DOCK8: variants seen among roughly 807,000 people sequenced by gnomAD.
DOCK8 encodes dedicator of cytokinesis 8.
DOCK8 carries 141 observed loss-of-function variants against 245.6 expected under a neutral mutation model. The observed-to-expected ratio is 0.57, with a 90% CI of 0.50 to 0.66. DOCK8 has a LOEUF of 0.66. DOCK8 is among the 30% of genes least tolerant of loss of function. DOCK8 has a pLI of 0.00. For synonymous variants in DOCK8, 1,168 were observed against 970.2 expected, an observed-to-expected ratio of 1.20 and a Z score of -3.79; for missense variants, 2,965 against 2,603.4, an observed-to-expected ratio of 1.14 and a Z score of -3.02.
At position 250,833 on chromosome 9, in the gene DOCK8, G is replaced by A. The variant is rs115277410; in HGVS notation, c.54-20794G>A. ...GGAAGTCCTGGCTGTCCAGCAAAAG[G>A]TCTTTAGTGGCTATATCAAGAGAAG... is the stretch of plus-strand genomic sequence containing the variant. On this transcript the variant is annotated intron_variant, in intron 1 of 47. Transcript: ENST00000432829. Among the ~76,000 whole-genome samples the A allele has an allele frequency of 9.1e-3, 1,380 of 152,280 alleles. 22 individuals are homozygous for A. Among genetic ancestry groups the A allele is most frequent in the African/African-American group, 0.032 (1,311 of 41,552 alleles).
At chr9:303,684 G>T (rs1254442304) in intron 4 of DOCK8, among the ~76,000 whole-genome samples, 2 of 152,196 alleles carry the variant, frequency 1.3e-5, no homozygotes, top group Non-Finnish European at 2.9e-5. Context: ...ACTGCCTATT[G>T]AGTACCATGG....
intron 4 of DOCK8, among the ~76,000 whole-genome samples, chr9:298,453 T>C (rs746546306): frequency 6.6e-6 from 1 of 152,018 alleles, no homozygotes; most frequent in South Asian, 2.1e-4. Flanking sequence ...GAAAAAAGAA[T>C]TGATTTTGAT....
At chr9:215,090 GAGCT>G (rs749063277) in intron 1 of DOCK8, 61 bp downstream of exon 1, 23 of 1,520,668 alleles carry the variant, frequency 1.5e-5, no homozygotes, top group Non-Finnish European at 2.0e-5. Context: ...GTGTGAAGCG[GAGCT>G]TCGCTGCAGG....
At chr9:304,842 A>ATT in intron 5 of DOCK8, 138 bp downstream of exon 5, 6 of 1,174,216 alleles carry the variant, frequency 5.1e-6, no homozygotes, top group Admixed American at 2.4e-5. Flanking sequence ...TGAGTCAGTG[A>ATT]TTTTTTTTTT....
intron 14 of DOCK8, among the ~76,000 whole-genome samples, chr9:349,817 A>G (rs1186068622): frequency 3.3e-5 from 5 of 152,228 alleles, no homozygotes; most frequent in Non-Finnish European, 5.9e-5. Flanking sequence ...AATTTTTCTC[A>G]GAAGACACAC....
upstream of DOCK8, chr9:213,151 ATGTAGTCTAT>A (rs1256522593): frequency 2.0e-5 from 3 of 152,248 alleles, no homozygotes; most frequent in East Asian, 5.8e-4. Context: ...TTGTTTTCGT[ATGTAGTCTAT>A]TGTAGTCTAT....
chr9:311,846 G>A (rs956620102), intron 5 of DOCK8, 108 bp from the exon 6 acceptor site: 3 of 1,370,192 alleles, frequency 2.2e-6, no homozygotes, highest in Non-Finnish European at 3.1e-6. Context: ...AGGCCTGGCT[G>A]AGATTCTGTA....
chr9:255,668 CAAAAAAAAAAAAA>C (rs71317282), intron 1 of DOCK8, among the ~76,000 whole-genome samples: 1 of 23,504 alleles, frequency 4.3e-5, no homozygotes, highest in Non-Finnish European at 7.6e-5. Flanking sequence ...ACTCCATCTC[CAAAAAAAAAAAAA>C]AAAAAAAAAA....
At chr9:364,336 G>A (rs73641531) in intron 14 of DOCK8, among the ~76,000 whole-genome samples, 17,824 of 152,142 alleles carry the variant, frequency 0.12, 2,354 homozygotes, top group African/African-American at 0.33. Context: ...ACAGTATGAT[G>A]AAAATGTTTA....
intron 2 of DOCK8, among the ~76,000 whole-genome samples, chr9:285,493 T>C (rs952902742): frequency 5.3e-5 from 8 of 152,168 alleles, no homozygotes; most frequent in African/African-American, 1.9e-4. Flanking sequence ...CTTGGGCTGA[T>C]GACTCCAAAG....
intron 46 of DOCK8, 124 bp downstream of exon 46, chr9:452,241 C>A: frequency 1.5e-6 from 1 of 672,000 alleles, no homozygotes. Flanking sequence ...ACCCTCCAGA[C>A]CTGCTGAATT....
At position 390,517 on chromosome 9, in the gene DOCK8, T is replaced by C; in HGVS notation, c.2921T>C (p.Met974Thr). Reference protein sequence around the residue: ...LALQMVVSTGMVRETVFKYAW... With the variant: ...LALQMVVSTGTVRETVFKYAW... ...CTTCAGATGGTGGTCAGCACCGGAA[T>C]GGTGAGAGAAACAGTCTTCAAGTAT... The change falls in exon 24 of 48, where the codon ATG becomes ACG. Residue 974 changes from methionine (M) to threonine (T), a missense_variant. By Grantham distance (81) the Met-to-Thr change is moderately conservative (BLOSUM62 -1). Coordinates refer to ENST00000432829, the MANE Select transcript of DOCK8 (RefSeq NM_203447.4). The C allele has an allele frequency of 6.2e-7, 1 of 1,614,222 alleles. No homozygotes were observed. The highest frequency in any genetic ancestry group is 8.5e-7 in the Non-Finnish European group (1 of 1,180,014).
chr9:216,243 A>G (rs2046748204), intron 1 of DOCK8, among the ~76,000 whole-genome samples: 2 of 152,112 alleles, frequency 1.3e-5, no homozygotes. Flanking sequence ...CAAAAGGCAT[A>G]AAGAGGCTGG....
At chr9:214,518 C>G (rs562213403), upstream of DOCK8, 2 of 1,613,130 alleles carry the variant, frequency 1.2e-6, no homozygotes, top group Non-Finnish European at 1.7e-6. Context: ...CTTACGAATC[C>G]CTGGGGTGAT....
chr9:383,574 C>A (rs2053817803), intron 22 of DOCK8, among the ~76,000 whole-genome samples: 1 of 152,002 alleles, frequency 6.6e-6, no homozygotes, highest in Non-Finnish European at 1.5e-5. Context: ...GTGGCGGGTC[C>A]CTGTAATTCT....
At chr9:288,561 T>G (rs773098199) in intron 3 of DOCK8, among the ~76,000 whole-genome samples, 15 of 152,220 alleles carry the variant, frequency 9.9e-5, no homozygotes, top group Non-Finnish European at 1.5e-4. Flanking sequence ...ACTATTAATA[T>G]CATATATGCG....
chr9:434,717 A>G, intron 38 of DOCK8, 66 bp from the exon 39 acceptor site: 1 of 1,557,026 alleles, frequency 6.4e-7, no homozygotes, highest in South Asian at 1.1e-5. Flanking sequence ...AAGGTCACAC[A>G]AAGTAGAAGA....
intron 11 of DOCK8, among the ~76,000 whole-genome samples, chr9:335,586 A>C (rs190826274): frequency 1.3e-5 from 2 of 152,226 alleles, no homozygotes; most frequent in East Asian, 3.9e-4. Flanking sequence ...TTCCTGCCAC[A>C]GCTTTCTTTA....
At chr9:281,435 A>C (rs915751252) in intron 2 of DOCK8, among the ~76,000 whole-genome samples, 15 of 152,164 alleles carry the variant, frequency 9.9e-5, no homozygotes, top group Non-Finnish European at 1.9e-4. Flanking sequence ...CAGCAGAGAA[A>C]GCAAAACAGT....
Sources: gnomAD v4.1 joint callset for allele counts (sites outside exome capture counted in the v4.1 genomes callset) on GRCh38, gnomAD v4.1.1 for gene constraint, MANE v1.5 for transcripts, NCBI Gene and HGNC (gene_info 2026-07-23, HGNC 2026-07-21) for gene names.